LRRIQ3: variants seen among roughly 807,000 people sequenced by gnomAD.
LRRIQ3 encodes leucine rich repeats and IQ motif containing 3, also known as leucine-rich repeat and IQ domain-containing protein 3.
Under a neutral mutation model 59.3 loss-of-function variants are expected in LRRIQ3, and 75 were observed. The observed-to-expected ratio is 1.26, with a 90% confidence interval of 1.05 to 1.53. The LOEUF (loss-of-function observed/expected upper bound fraction) is 1.53. Ranked by LOEUF, LRRIQ3 falls within the 40% of genes most tolerant of loss-of-function variation. The probability of loss-of-function intolerance (pLI) is 0.00; values close to 1 mark genes in which losing one functional copy is unlikely to be tolerated. For synonymous variants in LRRIQ3, 250 were observed against 231.3 expected (o/e 1.08, Z -0.73); for missense variants, 831 against 710.0 (o/e 1.17, Z -1.94).
chr1:74,145,863 T>G (rs1647536760), intron 4 of LRRIQ3, among the ~76,000 whole-genome samples: 1 of 152,142 alleles, frequency 6.6e-6, no homozygotes, highest in Non-Finnish European at 1.5e-5. Context: ...AATGAGTTAA[T>G]AAAGACAAGT....
At chr1:74,107,375 C>T (rs990295928) in intron 5 of LRRIQ3, among the ~76,000 whole-genome samples, 1 of 151,522 alleles carries the variant, frequency 6.6e-6, no homozygotes, top group Non-Finnish European at 1.5e-5. Context: ...CACCTCCACC[C>T]CTTTCCCTAC....
Position 74,151,229 on chromosome 1 carries a change from A to C in LRRIQ3, c.707+4504T>G, listed in dbSNP as rs189961587. On this transcript the variant is annotated intron_variant, in intron 4 of 7. Transcript: ENST00000354431. ...GACGGGGTTTCACCATGTTGGCCAG[A>C]ATGCTCTCGATCTCTTGACCTCGTG... is the stretch of plus-strand genomic sequence containing the variant. Among the ~76,000 whole-genome samples, 8 of 151,706 alleles carry C rather than the reference A, an allele frequency of 5.3e-5. No homozygotes were observed. The East Asian group carries it at 1.6e-3, about 30-fold the overall frequency.
At position 74,090,251 on chromosome 1, in the gene LRRIQ3, A is replaced by T. The variant is rs1646380387; in HGVS notation, c.868-15461T>A. ...TGGGGATCCAAATATAAATTATTTG[A>T]TGGCATCTACAGAATTATAATAAAT... On this transcript the variant is annotated intron_variant, in intron 5 of 7. Coordinates refer to ENST00000354431, the MANE Select transcript of LRRIQ3 (RefSeq NM_001105659.2). Among the ~76,000 whole-genome samples the T allele has an allele frequency of 4.6e-5, 7 of 152,172 alleles. No homozygotes were observed. In the South Asian group the frequency reaches 1.5e-3, roughly 32 times the overall value.
intron 6 of LRRIQ3, among the ~76,000 whole-genome samples, chr1:74,054,803 T>TACATATACACACATACATCCAC (rs1409964473): frequency 6.8e-6 from 1 of 147,584 alleles, no homozygotes; most frequent in Non-Finnish European, 1.5e-5. Context: ...CATACATACA[T>TACATATACACACATACATCCAC]ACATATACAC....
intron 4 of LRRIQ3, among the ~76,000 whole-genome samples, chr1:74,136,030 G>A (rs1411979206): frequency 5.9e-5 from 9 of 151,664 alleles, no homozygotes; most frequent in East Asian, 1.9e-4. Flanking sequence ...CATATATTAC[G>A]AAAATAAAAA....
At chr1:74,074,873 T>C in intron 5 of LRRIQ3, 83 bp from the exon 6 acceptor site, 1 of 647,480 alleles carries the variant, frequency 1.5e-6, no homozygotes, top group Non-Finnish European at 2.3e-6. Context: ...ATGAATTACA[T>C]TATCATGATT....
chr1:74,099,390 G>T (rs1646497731), intron 5 of LRRIQ3, among the ~76,000 whole-genome samples: 1 of 152,086 alleles, frequency 6.6e-6, no homozygotes, highest in Non-Finnish European at 1.5e-5. Context: ...CCAATAACAG[G>T]CTCTGAAATT....
chr1:74,083,283 C>A (rs1483576963), intron 5 of LRRIQ3: 1 of 151,714 alleles, frequency 6.6e-6, no homozygotes, highest in Admixed American at 6.6e-5. Flanking sequence ...TTTATGCCTA[C>A]TGCTCTGGTC....
intron 6 of LRRIQ3, among the ~76,000 whole-genome samples, chr1:74,060,162 TTCG>T (rs1472842886): frequency 6.6e-6 from 1 of 151,900 alleles, no homozygotes; most frequent in Non-Finnish European, 1.5e-5. Flanking sequence ...CGCCTTCTTC[TTCG>T]TCGTCATCTT....
chr1:74,041,600 G>A lies in LRRIQ3; in HGVS notation c.1331C>T (p.Ala444Val). The A allele has an allele frequency of 6.2e-7, 1 of 1,613,676 alleles. No homozygotes were observed. The highest frequency in any genetic ancestry group is 8.5e-7 in the Non-Finnish European group (1 of 1,179,850). Residue 444 changes from alanine to valine, a missense_variant, in exon 7 of 8, where the codon GCC becomes GTC. Transcript: ENST00000354431. Reference sequence around the variant, plus strand: ...TCTTTCTCGAGCAACTTGTGCCATGGCTACAACTCTTACTTTTTCTTTATG... The same window carrying A: ...TCTTTCTCGAGCAACTTGTGCCATGACTACAACTCTTACTTTTTCTTTATG... ...EYHKEKVRVV[A>V]MAQVARERVR...
chr1:74,190,673 T>G (rs2100741390), intron 1 of LRRIQ3, among the ~76,000 whole-genome samples: 1 of 150,290 alleles, frequency 6.7e-6, no homozygotes, highest in South Asian at 2.1e-4. Flanking sequence ...TCATGTAGGA[T>G]AAATGTAAGA....
chr1:74,188,666 G>C (rs955058468), intron 1 of LRRIQ3, among the ~76,000 whole-genome samples: 5 of 152,042 alleles, frequency 3.3e-5, no homozygotes, highest in African/African-American at 1.2e-4. Context: ...CAGAAAACTT[G>C]TTTTATGGTT....
intron 3 of LRRIQ3, among the ~76,000 whole-genome samples, chr1:74,163,086 A>C (rs1648753741): frequency 6.6e-6 from 1 of 151,630 alleles, no homozygotes; most frequent in South Asian, 2.1e-4. Flanking sequence ...ATATATTTTG[A>C]AACACCATGA....
intron 4 of LRRIQ3, chr1:74,144,440 T>C: frequency 2.9e-6 from 1 of 342,006 alleles, no homozygotes; most frequent in South Asian, 2.4e-5. Context: ...GGAAACTAGA[T>C]TAATATTTTT....
intron 5 of LRRIQ3, among the ~76,000 whole-genome samples, chr1:74,107,605 T>A (rs914369599): frequency 6.7e-6 from 1 of 149,274 alleles, no homozygotes; most frequent in Non-Finnish European, 1.5e-5. Flanking sequence ...AAAATAAGAA[T>A]AATGAAAGAT....
At chr1:74,047,928 T>A (rs1006276803) in intron 6 of LRRIQ3, among the ~76,000 whole-genome samples, 8 of 152,104 alleles carry the variant, frequency 5.3e-5, no homozygotes, top group African/African-American at 1.9e-4. Context: ...AGTGTTCTCA[T>A]GAGAAGAAAT....
intron 3 of LRRIQ3, among the ~76,000 whole-genome samples, chr1:74,165,509 C>A (rs748069703): frequency 1.3e-5 from 2 of 151,456 alleles, no homozygotes; most frequent in African/African-American, 2.4e-5. Flanking sequence ...GGATTTTTTA[C>A]ATAGGTGATC....
At chr1:74,197,489 A>C (rs1444333923) in intron 1 of LRRIQ3, among the ~76,000 whole-genome samples, 4 of 152,150 alleles carry the variant, frequency 2.6e-5, no homozygotes, top group African/African-American at 7.2e-5. Context: ...ATAGCTACCC[A>C]AAAAAACACC....
intron 6 of LRRIQ3, among the ~76,000 whole-genome samples, chr1:74,074,250 GA>G (rs1646174695): frequency 6.6e-6 from 1 of 152,030 alleles, no homozygotes; most frequent in East Asian, 1.9e-4. Context: ...AATAAGATAT[GA>G]TTTTTTAACA....
Sources: gnomAD v4.1 joint callset for allele counts (sites outside exome capture counted in the v4.1 genomes callset) on GRCh38, gnomAD v4.1.1 for gene constraint, MANE v1.5 for transcripts, NCBI Gene and HGNC (gene_info 2026-07-23, HGNC 2026-07-21) for gene names.